Variants in SIRT6 observed in about 807,000 individuals in gnomAD.
The protein encoded by SIRT6 is sirtuin 6, also known as NAD-dependent protein deacylase sirtuin-6.
SIRT6 carries 21 observed loss-of-function variants against 33.6 expected under a neutral mutation model. The ratio of observed to expected loss-of-function variants is 0.62; its 90% CI spans 0.44 to 0.90. The LOEUF (loss-of-function observed/expected upper bound fraction) is 0.90, where lower values mean the gene tolerates loss of function less well. Among genes scored for constraint, SIRT6 ranks in the 40% least tolerant of loss-of-function variants. SIRT6 has a pLI of 0.00. For missense variants in SIRT6, 504 were observed against 510.6 expected (o/e 0.99, Z 0.12); for synonymous variants, 221 against 223.9 (o/e 0.99, Z 0.12).
At position 4,174,567 on chromosome 19, in the gene SIRT6, AAAG is replaced by A; in HGVS notation, c.*47_*49del. ...GTAACAAAGTGAGACCACGAGAGAA[AAAG>A]AATCCACAGTTTCTACAAAAAGCCC... On this transcript the variant is annotated 3_prime_UTR_variant, in exon 8 of 8. Coordinates refer to ENST00000337491, the MANE Select transcript of SIRT6 (RefSeq NM_016539.4). This position sits in a 1 kb window ranked among gnomAD's most constrained non-coding sequence, Gnocchi z 4.2. 7.2e-7 allele frequency: 1 copy of A among 1,380,160 alleles called. No individual in the cohort carries two copies. The allele number at this position is 1,380,160 out of a possible 1,614,324, so 85.5% of individuals were successfully genotyped here.
At position 4,179,121 on chromosome 19, in the gene SIRT6, C is replaced by T; in HGVS notation, c.360G>A (p.Val120=). The T allele has an allele frequency of 1.9e-6, 3 of 1,612,186 alleles. No individual in the cohort carries two copies. Among genetic ancestry groups the T allele is most frequent in the Non-Finnish European group, 2.5e-6 (3 of 1,179,792 alleles). The part of the protein sequence containing the change: ...LVSQNVDGLH[V]RSGFPRDKLA... ...GGTGTTACCTGGGGAAGCCTGAGCG[C>T]ACATGGAGCCCGTCCACGTTCTGGC... The change falls in exon 3 of 8, where the codon GTG becomes GTA. Residue 120 remains valine, a synonymous_variant. Transcript: ENST00000337491.
At chr19:4,176,387 G>A (rs953410124) in intron 4 of SIRT6, among the ~76,000 whole-genome samples, 22 of 152,306 alleles carry the variant, frequency 1.4e-4, no homozygotes, top group Non-Finnish European at 2.1e-4. Context: ...TCAGGAGTTC[G>A]ACACCAGCCT....
intron 1 of SIRT6, chr19:4,182,253 CCT>C (rs1967735807): frequency 5.7e-6 from 3 of 525,410 alleles, no homozygotes; most frequent in African/African-American, 2.0e-5. Flanking sequence ...AACTACATCC[CCT>C]CTCTCCCCGA....
rs1399485985 is a variant in SIRT6 at position 4,174,600 on chromosome 19, C to T, written c.*17G>A. 7.0e-7 allele frequency: 1 copy of T among 1,423,024 alleles called. No homozygotes were observed. The highest frequency in any genetic ancestry group is 3.2e-5 in the Admixed American group (1 of 31,612). 88.1% of individuals were successfully genotyped at this position (1,423,024 alleles called of 1,614,324 possible). A position where few individuals can be genotyped will look rare whatever the true frequency, so the allele number is the denominator to read the frequency against. On this transcript the variant is annotated 3_prime_UTR_variant, in exon 8 of 8. Coordinates refer to ENST00000337491, the MANE Select transcript of SIRT6 (RefSeq NM_016539.4). The surrounding 1 kb of genome is among the most constrained non-coding windows in gnomAD (Gnocchi z 4.2). ...CACAGTTTCTACAAAAAGCCCCACC[C>T]TCCCCAAGCACCCTGGTCAGCTGGG... is the stretch of plus-strand genomic sequence containing the variant.
chr19:4,174,706 C>G lies in SIRT6; in HGVS notation c.979G>C (p.Glu327Gln). 6.8e-7 allele frequency: 1 copy of G among 1,466,854 alleles called. No individual in the cohort carries two copies. Among genetic ancestry groups the G allele is most frequent in the South Asian group, 1.4e-5 (1 of 70,406 alleles). 90.9% of individuals were successfully genotyped at this position (1,466,854 alleles called of 1,614,324 possible). The change falls in exon 8 of 8, where the codon GAG becomes CAG. Residue 327 changes from glutamate to glutamine, a missense_variant. Physicochemically the swap from Glu to Gln is conservative, Grantham distance 29 (BLOSUM62 2). Transcript: ENST00000337491. The surrounding 1 kb of genome is among the most constrained non-coding windows in gnomAD (Gnocchi z 4.2). The part of the protein sequence containing the change: ...QEPCAQHNGS[E>Q]PASPKRERPT... ...CGCTCCCGTTTGGGGCTGGCGGGCT[C>G]TGAGCCGTTGTGCTGGGCGCAGGGC...
rs758402464 is a variant in SIRT6, at chr19:4,174,900, A to T, written c.785T>A (p.Met262Lys). 6.2e-7 allele frequency: 1 copy of T among 1,604,056 alleles called. No individual in the cohort carries two copies. Among genetic ancestry groups the T allele is most frequent in the Non-Finnish European group, 8.5e-7 (1 of 1,179,756 alleles). ...CCCCAGGTGCTTCATGAGCCGGGTCATGACCTCGTCAACGTAGCCATGGAT... is the reference window on the plus strand; with the variant it reads ...CCCCAGGTGCTTCATGAGCCGGGTCTTGACCTCGTCAACGTAGCCATGGAT... The part of the protein sequence containing the change: ...LRIHGYVDEV[M>K]TRLMKHLGLE... Residue 262 changes from methionine to lysine, a missense_variant, in exon 8 of 8, where the codon ATG becomes AAG. Transcript: ENST00000337491. The surrounding 1 kb of genome is among the most constrained non-coding windows in gnomAD (Gnocchi z 4.2).
chr19:4,177,200 G>C (rs1967358959), intron 3 of SIRT6, 62 bp from the exon 4 acceptor site: 1 of 1,549,968 alleles, frequency 6.5e-7, no homozygotes, highest in African/African-American at 1.4e-5. Flanking sequence ...CCAGGCTTTG[G>C]AGCTGGTGCT....
intron 2 of SIRT6, 36 bp downstream of exon 2, chr19:4,180,746 A>C (rs1197269502): frequency 6.4e-7 from 1 of 1,572,876 alleles, no homozygotes. Context: ...GCAGCCTGGT[A>C]GGCCTTGCCT....
rs1320680986 is a variant in SIRT6 at position 4,182,529 on chromosome 19, T to C, written c.11A>G (p.Asn4Ser). Residue 4 changes from asparagine to serine, a missense_variant, in exon 1 of 8, where the codon AAT (asparagine) becomes AGT (serine). Physicochemically the swap from Asn to Ser is conservative, Grantham distance 46. Coordinates refer to ENST00000337491, the MANE Select transcript of SIRT6 (RefSeq NM_016539.4). ...GTACGGCGACAGCCCCGCCGCGTAA[T>C]TCACCGACATCCTCGACTGCCCCAC... MSV[N>S]YAAGLSPYAD... 21 of 1,611,130 alleles carry C rather than the reference T, an allele frequency of 1.3e-5. No homozygotes were observed. The Admixed American group carries it at 3.5e-4, about 27-fold the overall frequency.
In SIRT6 at chr19:4,180,243, T is replaced by C. The variant is rs182118630; in HGVS notation, c.194+539A>G. Among the ~76,000 whole-genome samples, 78 of 151,934 alleles carry C rather than the reference T, an allele frequency of 5.1e-4. 1 individual carries two copies. Among genetic ancestry groups the C allele is most frequent in the Admixed American group, 4.8e-3 (73 of 15,244 alleles). On this transcript the variant is annotated intron_variant, in intron 2 of 7. Coordinates refer to ENST00000337491, the MANE Select transcript of SIRT6 (RefSeq NM_016539.4). Reference sequence around the variant, plus strand: ...CCTCGGCCTTCCAAGTAGCTGCGATTACAGGTGCCTGCCACCACACCTGGC... The same window carrying C: ...CCTCGGCCTTCCAAGTAGCTGCGATCACAGGTGCCTGCCACCACACCTGGC...
chr19:4,175,121 T>C lies in SIRT6; in HGVS notation c.645A>G (p.Thr215=). 6.3e-7 allele frequency: 1 copy of C among 1,599,588 alleles called. No individual in the cohort carries two copies. The highest frequency in any genetic ancestry group is 1.8e-4 in the Middle Eastern group (1 of 5,708). ...TCCCGCTGGGCCGGATCTGCAGCGA[T>C]GTACCCAGCGTGATGGACAGGTCGG... ...RNADLSITLG[T]SLQIRPSGNL... The change falls in exon 7 of 8, where the codon ACA becomes ACG. Residue 215 remains threonine (T), a synonymous_variant. Coordinates refer to ENST00000337491, the MANE Select transcript of SIRT6 (RefSeq NM_016539.4).
intron 2 of SIRT6, chr19:4,179,611 TCAAC>T: frequency 2.5e-6 from 1 of 392,340 alleles, no homozygotes; most frequent in Non-Finnish European, 4.6e-6. Context: ...CTTATTCTAT[TCAAC>T]CAACACTGCT....
At position 4,175,844 on chromosome 19, in the gene SIRT6, G is replaced by C; in HGVS notation, c.531C>G (p.Cys177Trp). 6.4e-7 allele frequency: 1 copy of C among 1,557,780 alleles called. No homozygotes were observed. Reference sequence around the variant, plus strand: ...GGGCATGGGTGGGGGTGGCTCACCTGCAGGCTCGCAGCCCCCTTGCCTTAG... The same window carrying C: ...GGGCATGGGTGGGGGTGGCTCACCTCCAGGCTCGCAGCCCCCTTGCCTTAG... The part of the protein sequence containing the change: ...TVAKARGLRA[C>W]RGELRDTILD... The change falls in exon 5 of 8, where the codon TGC (cysteine) becomes TGG (tryptophan). Residue 177 changes from cysteine (C) to tryptophan (W), a missense_variant and splice_region_variant. Cys to Trp is a radical substitution (Grantham distance 215). Transcript: ENST00000337491.
Position 4,174,956 on chromosome 19 carries a change from G to C in SIRT6, c.739-10C>G. ...GGTCAGCATGGCGGTCCTGCCGAGGGGCGGGACGGGTCAGGCGTGGGGGAC... is the reference window on the plus strand; with the variant it reads ...GGTCAGCATGGCGGTCCTGCCGAGGCGCGGGACGGGTCAGGCGTGGGGGAC... On this transcript the variant is annotated splice_polypyrimidine_tract_variant and intron_variant, in intron 7 of 7. Transcript: ENST00000337491. The surrounding 1 kb of genome is among the most constrained non-coding windows in gnomAD (Gnocchi z 4.2). 6.2e-7 allele frequency: 1 copy of C among 1,609,718 alleles called. No individual in the cohort carries two copies. The highest frequency in any genetic ancestry group is 8.5e-7 in the Non-Finnish European group (1 of 1,179,200).
At chr19:4,181,133 C>A (rs968147114) in intron 1 of SIRT6, among the ~76,000 whole-genome samples, 1 of 152,200 alleles carries the variant, frequency 6.6e-6, no homozygotes, top group Non-Finnish European at 1.5e-5. Context: ...CCTGCACTAC[C>A]TCCCTTGCCC....
At position 4,175,120 on chromosome 19, in the gene SIRT6, A is replaced by G. The variant is rs1375228419; in HGVS notation, c.646T>C (p.Ser216Pro). Residue 216 changes from serine (S) to proline (P), a missense_variant, in exon 7 of 8, where the codon TCG becomes CCG. Physicochemically the swap from Ser to Pro is moderately conservative, Grantham distance 74. Transcript: ENST00000337491. ...TTCCCGCTGGGCCGGATCTGCAGCG[A>G]TGTACCCAGCGTGATGGACAGGTCG... Reference protein sequence around the residue: ...NADLSITLGTSLQIRPSGNLP... With the variant: ...NADLSITLGTPLQIRPSGNLP... 7 of 1,598,890 alleles carry G rather than the reference A, an allele frequency of 4.4e-6. No individual in the cohort carries two copies. The highest frequency in any genetic ancestry group is 6.0e-6 in the Non-Finnish European group (7 of 1,174,416).
At chr19:4,178,722 G>C (rs941444894) in intron 3 of SIRT6, among the ~76,000 whole-genome samples, 1 of 152,094 alleles carries the variant, frequency 6.6e-6, no homozygotes, top group African/African-American at 2.4e-5. Context: ...GATGGCGCAT[G>C]CCTGTAATCC....
rs1206445488 is a variant in SIRT6 at position 4,175,870 on chromosome 19, C to T, written c.505G>A (p.Ala169Thr). The T allele has an allele frequency of 1.3e-6, 2 of 1,565,282 alleles. No individual in the cohort carries two copies. The highest frequency in any genetic ancestry group is 1.7e-6 in the Non-Finnish European group (2 of 1,155,334). ...CAGGCTCGCAGCCCCCTTGCCTTAGCCACGGTGCAGAGCCGGCCCGTGGCC... is the reference window on the plus strand; with the variant it reads ...CAGGCTCGCAGCCCCCTTGCCTTAGTCACGGTGCAGAGCCGGCCCGTGGCC... ...LKATGRLCTVAKARGLRACRG... is the reference protein window; with the variant it reads ...LKATGRLCTVTKARGLRACRG... Residue 169 changes from alanine to threonine, a missense_variant, in exon 5 of 8, where the codon GCT (alanine) becomes ACT (threonine). Coordinates refer to ENST00000337491, the MANE Select transcript of SIRT6 (RefSeq NM_016539.4).
At position 4,179,411 on chromosome 19, in the gene SIRT6, G is replaced by C. The variant is rs1047107556; in HGVS notation, c.195-125C>G. 5 of 1,048,196 alleles carry C rather than the reference G, an allele frequency of 4.8e-6. No homozygotes were observed. In the South Asian group the frequency reaches 8.4e-5, roughly 18 times the overall value. The allele number at this position is 1,048,196 out of a possible 1,614,324, so 64.9% of individuals were successfully genotyped here. ...AAAATCAGGAGACAGAGAGAGACAG[G>C]GAGACAGAGAGAGGGAATCAGAAAC... On this transcript the variant is annotated intron_variant, in intron 2 of 7. Transcript: ENST00000337491.
Sources: allele counts gnomAD v4.1 joint callset (sites outside exome capture counted in the v4.1 genomes callset), GRCh38; gene constraint gnomAD v4.1.1; non-coding constraint Gnocchi (gnomAD v3.1); transcripts MANE v1.5; gene names NCBI Gene and HGNC (gene_info 2026-07-23, HGNC 2026-07-21).